The following ARFGAP1 variants were observed in gnomAD, a reference collection of about 807,000 sequenced individuals.
The protein encoded by ARFGAP1 is ARF GTPase activating protein 1, also known as ADP-ribosylation factor GTPase-activating protein 1.
ARFGAP1 carries 26 observed loss-of-function variants against 54.0 expected under a neutral mutation model. The observed-to-expected ratio is 0.48, with a 90% CI of 0.35 to 0.67. The LOEUF (loss-of-function observed/expected upper bound fraction) is 0.67. ARFGAP1 is among the 30% of genes least tolerant of loss of function. The pLI, the probability that ARFGAP1 is intolerant of heterozygous loss-of-function variation, is 0.00. For missense variants in ARFGAP1, 525 were observed against 535.8 expected (o/e 0.98, Z 0.20); for synonymous variants, 248 against 211.9 (o/e 1.17, Z -1.48).
chr20:63,277,092 C>A, intron 4 of ARFGAP1, 113 bp from the exon 5 acceptor site: 1 of 834,404 alleles, frequency 1.2e-6, no homozygotes, highest in Non-Finnish European at 1.9e-6. Flanking sequence ...CGGGAGGAGG[C>A]TGCGGGTGGT....
chr20:63,287,451 C>T (rs949324188), intron 12 of ARFGAP1, 113 bp from the exon 13 acceptor site: 21 of 1,003,328 alleles, frequency 2.1e-5, no homozygotes, highest in African/African-American at 6.5e-5. Context: ...GGACCCTGAG[C>T]GCTGGCCTGG....
At chr20:63,278,591 C>T (rs1386586287) in intron 6 of ARFGAP1, 3 of 485,846 alleles carry the variant, frequency 6.2e-6, no homozygotes, top group East Asian at 3.7e-5. Context: ...GTGGAATCTG[C>T]TGGACCTATA....
At position 63,287,980 on chromosome 20, in the gene ARFGAP1, G is replaced by A; in HGVS notation, c.*107G>A. 7.8e-7 allele frequency: 1 copy of A among 1,283,860 alleles called. No individual in the cohort carries two copies. Among genetic ancestry groups the A allele is most frequent in the Non-Finnish European group, 1.0e-6 (1 of 957,794 alleles). The allele number at this position is 1,283,860 out of a possible 1,614,324, so 79.5% of individuals were successfully genotyped here. A position where few individuals can be genotyped will look rare whatever the true frequency, so the allele number is the denominator to read the frequency against. ...TGACCCAAGAATCAGCAACTGCAGT[G>A]TGAGGACAGCGTCTCGGGAGGCAGG... On this transcript the variant is annotated 3_prime_UTR_variant, in exon 13 of 13. Coordinates refer to ENST00000370283, the MANE Select transcript of ARFGAP1 (RefSeq NM_018209.4).
At position 63,276,005 on chromosome 20, in the gene ARFGAP1, C is replaced by A; in HGVS notation, c.61-86C>A. The A allele has an allele frequency of 7.8e-7, 1 of 1,278,542 alleles. No individual in the cohort carries two copies. The highest frequency in any genetic ancestry group is 1.1e-6 in the Non-Finnish European group (1 of 881,744). The allele number at this position is 1,278,542 out of a possible 1,614,324, so 79.2% of individuals were successfully genotyped here. ...GCCACCCTGGGCAGCCCTCTGCATT[C>A]GCTCCTTGAGGCCACCTGTCGGGTC... On this transcript the variant is annotated intron_variant, in intron 2 of 12. Transcript: ENST00000370283. The surrounding 1 kb of genome is among the most constrained non-coding windows in gnomAD (Gnocchi z 5.2).
intron 9 of ARFGAP1, 145 bp from the exon 10 acceptor site, chr20:63,284,721 G>A (rs556878332): frequency 6.2e-5 from 92 of 1,487,910 alleles, no homozygotes; most frequent in African/African-American, 4.7e-4. Context: ...GCAAAGCCCC[G>A]TTTCCTGCTC....
chr20:63,287,810 C>T lies in ARFGAP1; in HGVS notation c.1158C>T (p.Gly386=). 1 of 1,594,830 alleles carries T rather than the reference C, an allele frequency of 6.3e-7. No homozygotes were observed. The highest frequency in any genetic ancestry group is 2.3e-5 in the East Asian group (1 of 44,188). The change falls in exon 13 of 13, where the codon GGC becomes GGT. Residue 386 remains glycine, a synonymous_variant. Transcript: ENST00000370283. ...GCGACGGCGGGGAGGGCGGGGAGGG[C>T]ACCAAGAAGGCAGTGCCGCCGGCCG... The part of the protein sequence containing the change: ...SNSDGGEGGE[G]TKKAVPPAVP...
chr20:63,282,794 G>A, intron 8 of ARFGAP1, 25 bp from the exon 9 acceptor site: 2 of 1,613,992 alleles, frequency 1.2e-6, no homozygotes, highest in South Asian at 2.2e-5. Context: ...AGTCTGTCAA[G>A]CCTTGTCTTT....
chr20:63,279,234 T>C (rs2067315789), intron 7 of ARFGAP1: 1 of 601,020 alleles, frequency 1.7e-6, no homozygotes, highest in African/African-American at 1.8e-5. Flanking sequence ...AGTCTTGCTT[T>C]GTCGCCCAGG....
chr20:63,282,059 A>T (rs1360004881), intron 8 of ARFGAP1, among the ~76,000 whole-genome samples: 10 of 151,718 alleles, frequency 6.6e-5, no homozygotes, highest in Non-Finnish European at 1.2e-4. Flanking sequence ...CTCACCTGTC[A>T]CATGCCCCTG....
intron 6 of ARFGAP1, 133 bp from the exon 7 acceptor site, chr20:63,278,766 G>A (rs1444204606): frequency 9.1e-6 from 6 of 659,264 alleles, no homozygotes; most frequent in African/African-American, 5.5e-5. Context: ...AGGAGGCAGC[G>A]TGCATGTCCT....
At chr20:63,277,989 C>T (rs2067276820) in intron 5 of ARFGAP1, 128 bp from the exon 6 acceptor site, 1 of 774,920 alleles carries the variant, frequency 1.3e-6, no homozygotes, top group Admixed American at 2.1e-5. Flanking sequence ...GCCACCCTGG[C>T]CTCAGGTGCT....
intron 7 of ARFGAP1, 74 bp from the exon 8 acceptor site, chr20:63,281,216 TG>T: frequency 4.0e-6 from 6 of 1,481,660 alleles, no homozygotes; most frequent in Non-Finnish European, 5.5e-6. Context: ...TCCTCTTCCT[TG>T]CTGAGATACT....
chr20:63,277,710 G>C (rs533385601), intron 5 of ARFGAP1, among the ~76,000 whole-genome samples: 1 of 152,182 alleles, frequency 6.6e-6, no homozygotes, highest in Non-Finnish European at 1.5e-5. Context: ...GGAACGTCCC[G>C]GGTGGGGTGA....
rs1458030615 is a variant in ARFGAP1 at position 63,278,175 on chromosome 20, CTGAA to C, written c.506_509del (p.Asn169MetfsTer78). 6.2e-7 allele frequency: 1 copy of C among 1,613,676 alleles called. No homozygotes were observed. Among genetic ancestry groups the C allele is most frequent in the Non-Finnish European group, 8.5e-7 (1 of 1,179,930 alleles). ...CTCGGACAAGGCTTTTGAAGACTGGCTGAATGATGACCTCGGCTCCTATCAAGGG... is the reference window on the plus strand; with the variant it reads ...CTCGGACAAGGCTTTTGAAGACTGGCTGATGACCTCGGCTCCTATCAAGGG... On this transcript the variant is annotated frameshift_variant, in exon 6 of 13. Coordinates refer to ENST00000370283, the MANE Select transcript of ARFGAP1 (RefSeq NM_018209.4). LOFTEE classifies it high-confidence loss of function.
intron 6 of ARFGAP1, 114 bp from the exon 7 acceptor site, chr20:63,278,785 G>A: frequency 2.4e-6 from 2 of 846,566 alleles, no homozygotes; most frequent in East Asian, 5.1e-5. Context: ...CTGTGCGTGG[G>A]GACGTTGGCA....
intron 2 of ARFGAP1, among the ~76,000 whole-genome samples, chr20:63,275,855 G>C (rs2067222058): frequency 6.6e-6 from 1 of 152,352 alleles, no homozygotes; most frequent in South Asian, 2.1e-4. Flanking sequence ...GCTGTCGGGG[G>C]TGGGGGCGCC....
chr20:63,276,408 G>A lies in ARFGAP1; in HGVS notation c.171-72G>A, dbSNP rs2067238582. Reference sequence around the variant, plus strand: ...GCTGCTTGCTGTGTCTAATTCTCAGGACGATGCTGGGTGGAGGGTGTCCCT... The same window carrying A: ...GCTGCTTGCTGTGTCTAATTCTCAGAACGATGCTGGGTGGAGGGTGTCCCT... On this transcript the variant is annotated intron_variant, in intron 3 of 12. Coordinates refer to ENST00000370283, the MANE Select transcript of ARFGAP1 (RefSeq NM_018209.4). This position sits in a 1 kb window ranked among gnomAD's most constrained non-coding sequence, Gnocchi z 5.2. 13 of 1,551,668 alleles carry A rather than the reference G, an allele frequency of 8.4e-6. No individual in the cohort carries two copies. The Admixed American group carries it at 2.3e-4, about 28-fold the overall frequency.
At chr20:63,274,487 C>T (rs1160454869) in intron 1 of ARFGAP1, among the ~76,000 whole-genome samples, 1 of 152,084 alleles carries the variant, frequency 6.6e-6, no homozygotes, top group African/African-American at 2.4e-5. Context: ...AGGGCTGGCA[C>T]TGGGAAGGTC....
In ARFGAP1 at chr20:63,283,526, G is replaced by C. The variant is rs2067440904; in HGVS notation, c.717+675G>C. ...GGGCGAGGGTGTCCTTTCTCACGAG[G>C]TGCCCATCCGTCACCCCCGTGGCCC... On this transcript the variant is annotated intron_variant, in intron 9 of 12. Coordinates refer to ENST00000370283, the MANE Select transcript of ARFGAP1 (RefSeq NM_018209.4). The C allele has an allele frequency of 2.6e-5, 10 of 378,556 alleles. No homozygotes were observed. The South Asian group carries it at 4.9e-4, about 18-fold the overall frequency. The allele number at this position is 378,556 out of a possible 1,614,324, so 23.4% of individuals were successfully genotyped here. A position where few individuals can be genotyped will look rare whatever the true frequency, so the allele number is the denominator to read the frequency against.
Sources: gnomAD v4.1 joint callset for allele counts (sites outside exome capture counted in the v4.1 genomes callset) on GRCh38, gnomAD v4.1.1 for gene constraint, Gnocchi (gnomAD v3.1) non-coding constraint, MANE v1.5 for transcripts, NCBI Gene and HGNC (gene_info 2026-07-23, HGNC 2026-07-21) for gene names.